The following GABRQ variants were observed in gnomAD, a reference collection of about 807,000 sequenced individuals.
GABRQ encodes gamma-aminobutyric acid type A receptor subunit theta, also known as gamma-aminobutyric acid receptor subunit theta.
A neutral mutation model predicts 30.5 loss-of-function variants in GABRQ; 19 were observed. That is an observed-to-expected ratio of 0.62 (90% CI 0.43 to 0.91). GABRQ has a LOEUF of 0.91. Ranked by LOEUF, GABRQ falls within the 40% of genes least tolerant of loss-of-function variation. The probability of loss-of-function intolerance (pLI) is 0.00; values close to 1 mark genes in which losing one functional copy is unlikely to be tolerated. For synonymous variants in GABRQ, 187 were observed against 210.2 expected, an observed-to-expected ratio of 0.89 and a Z score of 0.95; for missense variants, 520 against 521.4, an observed-to-expected ratio of 1.00 and a Z score of 0.03.
In GABRQ at chrX:152,657,281, A is replaced by G. The variant is rs1278335103; in HGVS notation, c.*4000A>G. 2 of 111,203 alleles carry G rather than the reference A, an allele frequency of 1.8e-5. No homozygotes were observed. Among genetic ancestry groups the G allele is most frequent in the African/African-American group, 6.6e-5 (2 of 30,496 alleles). 9.2% of individuals were successfully genotyped at this position (111,203 alleles called of 1,213,427 possible). A position where few individuals can be genotyped will look rare whatever the true frequency, so the allele number is the denominator to read the frequency against. On this transcript the variant is annotated 3_prime_UTR_variant, in exon 9 of 9. Transcript: ENST00000598523. Reference sequence around the variant, plus strand: ...GGCCCAGGCAGTGAAAATCAAGAAAAGAGGAGAAAGACCAAGACCTGGATG... The same window carrying G: ...GGCCCAGGCAGTGAAAATCAAGAAAGGAGGAGAAAGACCAAGACCTGGATG...
At chrX:152,650,820 G>A (rs1437215382) in intron 7 of GABRQ, among the ~76,000 whole-genome samples, 1 of 111,155 alleles carries the variant, frequency 9.0e-6, no homozygotes, top group East Asian at 2.8e-4. Context: ...GTTGAGCCCC[G>A]AGTACCAGAA....
intron 1 of GABRQ, among the ~76,000 whole-genome samples, chrX:152,640,174 G>C (rs950880211): frequency 1.1e-4 from 12 of 110,731 alleles, no homozygotes; most frequent in Admixed American, 8.6e-4. Context: ...GGAAGGTGGG[G>C]GGGGGAGGAA....
intron 2 of GABRQ, among the ~76,000 whole-genome samples, chrX:152,642,143 T>C (rs1930773775): frequency 9.0e-6 from 1 of 111,672 alleles, no homozygotes; most frequent in African/African-American, 3.3e-5. Context: ...CAGGACCTTC[T>C]AGCATTTAAA....
chrX:152,650,652 A>C (rs1229451803), intron 7 of GABRQ, 72 bp downstream of exon 7: 4 of 788,114 alleles, frequency 5.1e-6, no homozygotes, highest in Non-Finnish European at 7.6e-6. Context: ...AGTAAGGAAA[A>C]AGTACCCAGA....
In GABRQ at chrX:152,651,726, C is replaced by A. The variant is rs76177030; in HGVS notation, c.1102C>A (p.Pro368Thr). ...GCGCCAGCCTAGGCGACACAGGAGACCCCGAAGAGTCATTGCCCGCTACCG... is the reference window on the plus strand; with the variant it reads ...GCGCCAGCCTAGGCGACACAGGAGAACCCGAAGAGTCATTGCCCGCTACCG... ...PRRQPRRHRRPRRVIARYRYQ... is the reference protein window; with the variant it reads ...PRRQPRRHRRTRRVIARYRYQ... Residue 368 changes from proline to threonine, a missense_variant, in exon 8 of 9, where the codon CCC becomes ACC. Pro to Thr is a conservative substitution (Grantham distance 38). Coordinates refer to ENST00000598523, the MANE Select transcript of GABRQ (RefSeq NM_018558.4). The A allele has an allele frequency of 1.7e-6, 2 of 1,211,011 alleles. No individual in the cohort carries two copies. Among genetic ancestry groups the A allele is most frequent in the Non-Finnish European group, 2.2e-6 (2 of 894,600 alleles).
chrX:152,644,244 C>T (rs1292475510), intron 2 of GABRQ, among the ~76,000 whole-genome samples: 2 of 110,951 alleles, frequency 1.8e-5, no homozygotes, highest in African/African-American at 6.6e-5. Flanking sequence ...ATATTAACAT[C>T]CTCACACACA....
intron 2 of GABRQ, among the ~76,000 whole-genome samples, chrX:152,641,493 C>G: frequency 8.9e-6 from 1 of 112,407 alleles, no homozygotes. Context: ...TGCGGTAGAC[C>G]AGTTTGGCCT....
intron 2 of GABRQ, among the ~76,000 whole-genome samples, chrX:152,641,581 C>T (rs931967804): frequency 8.9e-6 from 1 of 111,894 alleles, no homozygotes; most frequent in Non-Finnish European, 1.9e-5. Context: ...CTGGTGCTTC[C>T]CCTTAGCTCC....
chrX:152,647,934 T>C (rs920280405), intron 4 of GABRQ, among the ~76,000 whole-genome samples: 3 of 112,118 alleles, frequency 2.7e-5, no homozygotes, highest in African/African-American at 9.7e-5. Context: ...TCTCTGGGTT[T>C]CTCTTTCTCC....
rs1569454336 is a variant in GABRQ, at chrX:152,653,045, A to G, written c.1663A>G (p.Asn555Asp). Residue 555 changes from asparagine to aspartate, a missense_variant, in exon 9 of 9, where the codon AAC becomes GAC. Physicochemically the swap from Asn to Asp is conservative, Grantham distance 23. Transcript: ENST00000598523. ...AIKEQFKCDT[N>D]STWGLNDDEL... is the part of the protein sequence containing the mutation. ...TAAGGAGCAATTCAAGTGTGATACT[A>G]ACAGTACCTGGGGCCTTAATGATGA... 1 of 1,210,650 alleles carries G rather than the reference A, an allele frequency of 8.3e-7. No homozygotes were observed. Among genetic ancestry groups the G allele is most frequent in the East Asian group, 3.0e-5 (1 of 33,836 alleles).
rs1466397364 is a variant in GABRQ at position 152,649,198 on chromosome X, T to C, written c.528-53T>C. On this transcript the variant is annotated intron_variant, in intron 4 of 8. Coordinates refer to ENST00000598523, the MANE Select transcript of GABRQ (RefSeq NM_018558.4). Reference sequence around the variant, plus strand: ...ACCCCTGCAGTTTCCTCAGCAATGGTTGTTTGCCTAGGCTTCACTCACTTT... The same window carrying C: ...ACCCCTGCAGTTTCCTCAGCAATGGCTGTTTGCCTAGGCTTCACTCACTTT... The C allele has an allele frequency of 3.8e-6, 3 of 794,656 alleles. No individual in the cohort carries two copies. The African/African-American group carries it at 6.1e-5, about 16-fold the overall frequency. 65.5% of individuals were successfully genotyped at this position (794,656 alleles called of 1,213,427 possible).
In GABRQ at chrX:152,649,262, C is replaced by T; in HGVS notation, c.539C>T (p.Thr180Ile). The T allele has an allele frequency of 1.7e-6, 2 of 1,187,655 alleles. No individual in the cohort carries two copies. The highest frequency in any genetic ancestry group is 2.3e-6 in the Non-Finnish European group (2 of 873,460). ...TVRYGIRLTT[T>I]AACSLDLHKF... is the part of the protein sequence containing the mutation. The stretch of plus-strand genomic sequence containing the variant: ...GTTTTCCTTTGCAGACTCACCACTA[C>T]AGCAGCTTGTTCCCTGGATCTGCAT... The change falls in exon 5 of 9, where the codon ACA becomes ATA. Residue 180 changes from threonine (T) to isoleucine (I), a missense_variant. Transcript: ENST00000598523.
At position 152,640,450 on chromosome X, in the gene GABRQ, G is replaced by A. The variant is rs1556818218; in HGVS notation, c.222G>A (p.Leu74=). Residue 74 remains leucine, a synonymous_variant, in exon 2 of 9, where the codon CTG becomes CTA. Coordinates refer to ENST00000598523, the MANE Select transcript of GABRQ (RefSeq NM_018558.4). ...DRVLSRYDVR[L]RPNFGGAPVP... ...TGCTGTCAAGATACGATGTCCGCCT[G>A]AGACCGAATTTTGGAGGTAAGGCAT... is the stretch of plus-strand genomic sequence containing the variant. 3.4e-6 allele frequency: 4 copies of A among 1,180,424 alleles called. No individual in the cohort carries two copies.
At chrX:152,649,142 G>C (rs1930956080) in intron 4 of GABRQ, 109 bp from the exon 5 acceptor site, 2 of 555,002 alleles carry the variant, frequency 3.6e-6, no homozygotes. Context: ...TCTACACATG[G>C]GTCAGTCCTT....
intron 4 of GABRQ, 75 bp from the exon 5 acceptor site, chrX:152,649,176 C>G (rs782161112): frequency 2.1e-5 from 14 of 652,906 alleles, no homozygotes; most frequent in Non-Finnish European, 3.6e-5. Flanking sequence ...CCTCCCCACC[C>G]CTGCAGTTTC....
In GABRQ at chrX:152,655,268, A is replaced by G. The variant is rs1012539964; in HGVS notation, c.*1987A>G. Reference sequence around the variant, plus strand: ...GCTGCTTAACTGACTGTTTCTTTCCAACTTCCTGTTCCAGGGAGCAGCATC... The same window carrying G: ...GCTGCTTAACTGACTGTTTCTTTCCGACTTCCTGTTCCAGGGAGCAGCATC... On this transcript the variant is annotated 3_prime_UTR_variant, in exon 9 of 9. Coordinates refer to ENST00000598523, the MANE Select transcript of GABRQ (RefSeq NM_018558.4). The G allele has an allele frequency of 8.9e-6, 1 of 111,773 alleles. No homozygotes were observed. The highest frequency in any genetic ancestry group is 3.3e-5 in the African/African-American group (1 of 30,591). 9.2% of individuals were successfully genotyped at this position (111,773 alleles called of 1,213,427 possible).
chrX:152,651,819 C>T, intron 8 of GABRQ, 37 bp downstream of exon 8: 1 of 1,188,934 alleles, frequency 8.4e-7, no homozygotes, highest in Non-Finnish European at 1.1e-6. Context: ...TTTCCCTGAG[C>T]ACCTCTTGAG....
chrX:152,638,103 G>T lies in GABRQ; in HGVS notation c.-100G>T. On this transcript the variant is annotated 5_prime_UTR_variant, in exon 1 of 9. Coordinates refer to ENST00000598523, the MANE Select transcript of GABRQ (RefSeq NM_018558.4). ...TCTTTGGGGAAGGGCCAGCAATCCC[G>T]CCTTCCCCGGCCCCAGTAGTCACCC... 1.3e-6 allele frequency: 1 copy of T among 751,640 alleles called. No homozygotes were observed. Among genetic ancestry groups the T allele is most frequent in the Non-Finnish European group, 1.9e-6 (1 of 520,726 alleles). 61.9% of individuals were successfully genotyped at this position (751,640 alleles called of 1,213,427 possible).
At chrX:152,638,960 T>C (rs1466135263) in intron 1 of GABRQ, among the ~76,000 whole-genome samples, 5 of 111,474 alleles carry the variant, frequency 4.5e-5, no homozygotes, top group Non-Finnish European at 7.5e-5. Flanking sequence ...GGTGTGCTTT[T>C]GTACTTAGTC....
Sources: allele counts gnomAD v4.1 joint callset (sites outside exome capture counted in the v4.1 genomes callset), GRCh38; gene constraint gnomAD v4.1.1; transcripts MANE v1.5; gene names NCBI Gene and HGNC (gene_info 2026-07-23, HGNC 2026-07-21).